Variants in MCC observed in about 807,000 individuals in gnomAD.
MCC encodes the protein MCC regulator of Wnt signaling pathway.
Under a neutral mutation model 116.2 loss-of-function variants are expected in MCC, and 90 were observed. The ratio of observed to expected loss-of-function variants is 0.77; its 90% CI spans 0.65 to 0.92. The LOEUF is 0.92. Among genes scored for constraint, MCC ranks in the 40% least tolerant of loss-of-function variants. The pLI is 0.00. For missense variants in MCC, 1,516 were observed against 1,312.2 expected, an observed-to-expected ratio of 1.16 and a Z score of -2.40; for synonymous variants, 578 against 510.5, an observed-to-expected ratio of 1.13 and a Z score of -1.78.
At chr5:113,302,408 AAT>A (rs1270899230) in intron 3 of MCC, among the ~76,000 whole-genome samples, 1 of 152,256 alleles carries the variant, frequency 6.6e-6, no homozygotes, top group East Asian at 1.9e-4. Flanking sequence ...GACCAATGGC[AAT>A]ATGTGGACTT....
chr5:113,198,417 A>C (rs1478704407), intron 3 of MCC, among the ~76,000 whole-genome samples: 1 of 152,024 alleles, frequency 6.6e-6, no homozygotes, highest in Non-Finnish European at 1.5e-5. Context: ...ATGTGGGGCC[A>C]GGCATGGTGG....
intron 1 of MCC, among the ~76,000 whole-genome samples, chr5:113,454,377 T>A (rs1367205891): frequency 6.6e-6 from 1 of 152,200 alleles, no homozygotes; most frequent in African/African-American, 2.4e-5. Flanking sequence ...AATGCTGGAA[T>A]TACAGGCTTG....
chr5:113,123,748 TG>T (rs1025561806), intron 5 of MCC, among the ~76,000 whole-genome samples: 4 of 152,170 alleles, frequency 2.6e-5, no homozygotes, highest in African/African-American at 9.7e-5. Context: ...GGATCTATTT[TG>T]CAAGTGAACC....
At chr5:113,236,024 G>T (rs1764116014) in intron 3 of MCC, among the ~76,000 whole-genome samples, 1 of 152,160 alleles carries the variant, frequency 6.6e-6, no homozygotes, top group African/African-American at 2.4e-5. Context: ...ACCTAGGTAG[G>T]TCGGATTTCC....
At chr5:113,052,671 G>A (rs373764930) in intron 15 of MCC, among the ~76,000 whole-genome samples, 5 of 152,160 alleles carry the variant, frequency 3.3e-5, no homozygotes, top group Admixed American at 2.6e-4. Flanking sequence ...TCTCCCTGCT[G>A]CGGACAGTAC....
At chr5:113,260,403 G>T (rs1014321046) in intron 3 of MCC, among the ~76,000 whole-genome samples, 1 of 152,142 alleles carries the variant, frequency 6.6e-6, no homozygotes, top group Non-Finnish European at 1.5e-5. Context: ...CTTCATGCCT[G>T]CTTCTGCATG....
intron 11 of MCC, among the ~76,000 whole-genome samples, chr5:113,076,376 A>C (rs1430632256): frequency 6.6e-6 from 1 of 152,214 alleles, no homozygotes; most frequent in Non-Finnish European, 1.5e-5. Flanking sequence ...CCAAAGTTGA[A>C]ATGAAGGAAA....
chr5:113,358,089 C>T (rs1023695627), intron 2 of MCC, among the ~76,000 whole-genome samples: 14 of 152,200 alleles, frequency 9.2e-5, no homozygotes, highest in Non-Finnish European at 1.5e-4. Flanking sequence ...ACTGACATTG[C>T]TGCAGACCCA....
intron 1 of MCC, among the ~76,000 whole-genome samples, chr5:113,482,249 T>C (rs1229857816): frequency 6.6e-6 from 1 of 152,208 alleles, no homozygotes; most frequent in Non-Finnish European, 1.5e-5. Flanking sequence ...TGGACATATA[T>C]TTTCAGTTCT....
intron 17 of MCC, among the ~76,000 whole-genome samples, chr5:113,040,130 G>A (rs1475474583): frequency 2.6e-5 from 4 of 151,830 alleles, no homozygotes; most frequent in Non-Finnish European, 5.9e-5. Context: ...AATGTTCACC[G>A]AAGTAGGGGG....
At chr5:113,114,580 C>T (rs144786815) in intron 6 of MCC, among the ~76,000 whole-genome samples, 50 of 152,296 alleles carry the variant, frequency 3.3e-4, no homozygotes, top group African/African-American at 7.5e-4. Context: ...TGGCCTACCC[C>T]GCCCCCCATC....
At chr5:113,312,185 G>A (rs2150368348) in intron 3 of MCC, among the ~76,000 whole-genome samples, 1 of 152,258 alleles carries the variant, frequency 6.6e-6, no homozygotes, top group East Asian at 1.9e-4. Flanking sequence ...GCTGAGGCAG[G>A]AGAATCACTT....
At chr5:113,285,605 T>G (rs1397103434) in intron 3 of MCC, among the ~76,000 whole-genome samples, 1 of 152,158 alleles carries the variant, frequency 6.6e-6, no homozygotes, top group African/African-American at 2.4e-5. Flanking sequence ...TCTTCCTTTC[T>G]GCCTGAAATG....
chr5:113,210,873 G>T (rs1439321926), intron 3 of MCC, among the ~76,000 whole-genome samples: 1 of 152,148 alleles, frequency 6.6e-6, no homozygotes, highest in African/African-American at 2.4e-5. Context: ...ATGTTCTGCT[G>T]TCACTTGAAA....
intron 2 of MCC, among the ~76,000 whole-genome samples, chr5:113,366,462 T>C (rs894037933): frequency 3.3e-5 from 5 of 152,184 alleles, no homozygotes; most frequent in Admixed American, 3.3e-4. Flanking sequence ...TCCAAGGCAA[T>C]TTTCCTTTTA....
chr5:113,333,079 T>C (rs1047901708), intron 3 of MCC, among the ~76,000 whole-genome samples: 1 of 151,526 alleles, frequency 6.6e-6, no homozygotes, highest in Non-Finnish European at 1.5e-5. Context: ...ATGGTTGATA[T>C]GAAAAAAGGG....
intron 3 of MCC, among the ~76,000 whole-genome samples, chr5:113,261,373 T>C (rs1179713505): frequency 6.6e-6 from 1 of 152,168 alleles, no homozygotes; most frequent in Non-Finnish European, 1.5e-5. Flanking sequence ...CATAAATCTG[T>C]AAAATGCTCA....
chr5:113,073,301 G>A (rs1253319919), intron 11 of MCC, among the ~76,000 whole-genome samples: 1 of 152,288 alleles, frequency 6.6e-6, no homozygotes, highest in South Asian at 2.1e-4. Context: ...GCGTGCGTGA[G>A]GCCCCTGGCC....
chr5:113,057,603 C>T (rs6892724), intron 14 of MCC, among the ~76,000 whole-genome samples: 28,537 of 152,206 alleles, frequency 0.19, 3,953 homozygotes, highest in African/African-American at 0.38. Context: ...GAGAGCAAAG[C>T]GCGCCCACAG....
Sources: gnomAD v4.1 joint callset for allele counts (sites outside exome capture counted in the v4.1 genomes callset) on GRCh38, gnomAD v4.1.1 for gene constraint, MANE v1.5 for transcripts, NCBI Gene and HGNC (gene_info 2026-07-23, HGNC 2026-07-21) for gene names.